Variants in ETV3 observed in about 807,000 individuals in gnomAD.
ETV3 encodes the protein ETS variant transcription factor 3.
ETV3 carries 8 observed loss-of-function variants against 33.0 expected under a neutral mutation model. The observed-to-expected ratio is 0.24, with a 90% confidence interval of 0.14 to 0.44. The LOEUF (loss-of-function observed/expected upper bound fraction) is 0.44. Ranked by LOEUF, ETV3 falls within the 20% of genes least tolerant of loss-of-function variation. The probability of loss-of-function intolerance (pLI) is 1.00; values close to 1 mark genes in which losing one functional copy is unlikely to be tolerated. For synonymous variants in ETV3, 222 were observed against 238.9 expected, an observed-to-expected ratio of 0.93 and a Z score of 0.65; for missense variants, 473 against 652.3, an observed-to-expected ratio of 0.73 and a Z score of 2.99.
At chr1:157,134,603 G>A (rs985525991) in intron 3 of ETV3, among the ~76,000 whole-genome samples, 1 of 152,178 alleles carries the variant, frequency 6.6e-6, no homozygotes, top group African/African-American at 2.4e-5. Context: ...CCCAGGTGGG[G>A]GCAGACAAAT....
rs1674725354 is a variant in ETV3, at chr1:157,122,373, A to C, written c.*2468T>G. 1 of 151,740 alleles carries C rather than the reference A, an allele frequency of 6.6e-6. No homozygotes were observed. Among genetic ancestry groups the C allele is most frequent in the Non-Finnish European group, 1.5e-5 (1 of 67,940 alleles). The allele number at this position is 151,740 out of a possible 1,614,324, so 9.4% of individuals were successfully genotyped here. On this transcript the variant is annotated 3_prime_UTR_variant, in exon 5 of 5. Transcript: ENST00000368192. ...CAACCCCAACCCCAGAGTGCAGTGC[A>C]AATCAACCAACAATTTACTGGTGGA...
At position 157,125,040 on chromosome 1, in the gene ETV3, A is replaced by T; in HGVS notation, c.1340T>A (p.Val447Glu). 6.4e-7 allele frequency: 1 copy of T among 1,550,720 alleles called. No homozygotes were observed. The highest frequency in any genetic ancestry group is 8.7e-7 in the Non-Finnish European group (1 of 1,146,564). ...AGGCCTATCCTCACTGTCTTCAGTCACCTCCAGAGGTTCTCCACTTGGGGT... is the reference window on the plus strand; with the variant it reads ...AGGCCTATCCTCACTGTCTTCAGTCTCCTCCAGAGGTTCTCCACTTGGGGT... The part of the protein sequence containing the change: ...ISTPSGEPLE[V>E]TEDSEDRPGK... The change falls in exon 5 of 5, where the codon GTG becomes GAG. Residue 447 changes from valine to glutamate, a missense_variant. Val to Glu is a moderately radical substitution (Grantham distance 121). Transcript: ENST00000368192. This position sits in a 1 kb window ranked among gnomAD's most constrained non-coding sequence, Gnocchi z 4.0.
chr1:157,133,499 T>C, intron 4 of ETV3: 1 of 985,876 alleles, frequency 1.0e-6, no homozygotes, highest in South Asian at 4.7e-5. Context: ...TGTGGGGAGC[T>C]GTGATGGAAA....
In ETV3 at chr1:157,121,198, A is replaced by G. The variant is rs1049408669; in HGVS notation, c.*3643T>C. 1.3e-5 allele frequency: 2 copies of G among 152,278 alleles called. No homozygotes were observed. Among genetic ancestry groups the G allele is most frequent in the Non-Finnish European group, 1.5e-5 (1 of 68,030 alleles). 9.4% of individuals were successfully genotyped at this position (152,278 alleles called of 1,614,324 possible). ...ACCAACTCTCAGCAAACATTACTTA[A>G]AAGTATTTTTTTATTTAATTTCTGA... is the stretch of plus-strand genomic sequence containing the variant. On this transcript the variant is annotated 3_prime_UTR_variant, in exon 5 of 5. Transcript: ENST00000368192.
intron 4 of ETV3, among the ~76,000 whole-genome samples, chr1:157,129,884 C>T (rs1674929296): frequency 6.6e-6 from 1 of 151,974 alleles, no homozygotes; most frequent in African/African-American, 2.4e-5. Flanking sequence ...CTTGCTGTCG[C>T]CCAGGCTGGA....
chr1:157,127,910 A>C (rs1023541654), intron 4 of ETV3, among the ~76,000 whole-genome samples: 33 of 152,294 alleles, frequency 2.2e-4, no homozygotes, highest in African/African-American at 7.9e-4. Context: ...GACATGAAAA[A>C]GGTATGCCAT....
chr1:157,135,078 C>T (rs184175442), intron 3 of ETV3: 192 of 249,452 alleles, frequency 7.7e-4, no homozygotes, highest in Non-Finnish European at 1.1e-3. Context: ...TTGCTTCATC[C>T]TTTTCTAAGT....
rs377154346 is a variant in ETV3 at position 157,125,281 on chromosome 1, G to A, written c.1099C>T (p.Pro367Ser). Residue 367 changes from proline (P) to serine (S), a missense_variant, in exon 5 of 5, where the codon CCA becomes TCA. Transcript: ENST00000368192. This position sits in a 1 kb window ranked among gnomAD's most constrained non-coding sequence, Gnocchi z 4.0. Reference protein sequence around the residue: ...ERVESSEESAPVTTPTMASIP... With the variant: ...ERVESSEESASVTTPTMASIP... ...GAAGCCATGGTGGGCGTGGTGACTG[G>A]TGCTGACTCCTCGCTGCTCTCAACC... is the stretch of plus-strand genomic sequence containing the variant. 4.5e-6 allele frequency: 7 copies of A among 1,552,130 alleles called. No individual in the cohort carries two copies. In the East Asian group the frequency reaches 9.8e-5, roughly 22 times the overall value.
At chr1:157,130,549 A>G (rs963928711) in intron 4 of ETV3, among the ~76,000 whole-genome samples, 2 of 152,178 alleles carry the variant, frequency 1.3e-5, no homozygotes, top group African/African-American at 2.4e-5. Flanking sequence ...CAAGTAGCAC[A>G]CTGGAATCTT....
chr1:157,136,454 CT>C (rs1443513287), intron 1 of ETV3, 89 bp from the exon 2 acceptor site: 3 of 1,206,822 alleles, frequency 2.5e-6, no homozygotes, highest in Non-Finnish European at 3.5e-6. Flanking sequence ...CCCAAACTTC[CT>C]TTCCCCTGTT....
intron 1 of ETV3, among the ~76,000 whole-genome samples, chr1:157,137,223 G>A (rs1030557781): frequency 6.6e-6 from 1 of 151,770 alleles, no homozygotes; most frequent in African/African-American, 2.4e-5. Context: ...GGGTGAAACT[G>A]CCAGAGGGAC....
At chr1:157,136,234 A>G (rs1331650289) in intron 2 of ETV3, 73 bp downstream of exon 2, 19 of 1,398,948 alleles carry the variant, frequency 1.4e-5, no homozygotes, top group Non-Finnish European at 1.4e-5. Context: ...TTGTGAACAG[A>G]GCTCAAGTGG....
chr1:157,125,293 C>A lies in ETV3; in HGVS notation c.1087G>T (p.Glu363Ter). 2 of 1,552,080 alleles carry A rather than the reference C, an allele frequency of 1.3e-6. No individual in the cohort carries two copies. The highest frequency in any genetic ancestry group is 1.7e-6 in the Non-Finnish European group (2 of 1,147,094). The change falls in exon 5 of 5, where the codon GAG becomes TAG. Residue 363 changes from glutamate to a stop codon, truncating the protein, a stop_gained. Coordinates refer to ENST00000368192, the MANE Select transcript of ETV3 (RefSeq NM_001145312.3). LOFTEE classifies it high-confidence loss of function. This position sits in a 1 kb window ranked among gnomAD's most constrained non-coding sequence, Gnocchi z 4.0. Reference protein sequence around the residue: ...RKNRERVESSEESAPVTTPTM... With the variant: ...RKNRERVESS ...GGCGTGGTGACTGGTGCTGACTCCT[C>A]GCTGCTCTCAACCCTCTCCCGGTTC...
chr1:157,128,345 G>T, intron 4 of ETV3: 1 of 173,032 alleles, frequency 5.8e-6, no homozygotes. Flanking sequence ...TGCCAGTGAT[G>T]AAAGAGAGAA....
chr1:157,126,086 T>C, intron 4 of ETV3, 107 bp from the exon 5 acceptor site: 1 of 1,013,386 alleles, frequency 9.9e-7, no homozygotes, highest in Non-Finnish European at 1.4e-6. Context: ...GAAACAATCA[T>C]TCCAACTGGA....
intron 4 of ETV3, among the ~76,000 whole-genome samples, chr1:157,127,963 G>T (rs1674879375): frequency 1.3e-5 from 2 of 152,222 alleles, no homozygotes; most frequent in Admixed American, 1.3e-4. Flanking sequence ...GGTGTCAGCA[G>T]TTTCTATAAT....
rs902653759 is a variant in ETV3 at position 157,121,365 on chromosome 1, T to C, written c.*3476A>G. 1.3e-5 allele frequency: 2 copies of C among 151,994 alleles called. No homozygotes were observed. Among genetic ancestry groups the C allele is most frequent in the Middle Eastern group, 3.4e-3 (1 of 292 alleles). The allele number at this position is 151,994 out of a possible 1,614,324, so 9.4% of individuals were successfully genotyped here. ...TATATATGCAAAAATTTGAAGACTTTATAGAAAGCGGAACATCTAAAAGGC... is the reference window on the plus strand; with the variant it reads ...TATATATGCAAAAATTTGAAGACTTCATAGAAAGCGGAACATCTAAAAGGC... On this transcript the variant is annotated 3_prime_UTR_variant, in exon 5 of 5. Coordinates refer to ENST00000368192, the MANE Select transcript of ETV3 (RefSeq NM_001145312.3).
chr1:157,135,465 C>T lies in ETV3; in HGVS notation c.284+6G>A, dbSNP rs1483749449. On this transcript the variant is annotated splice_donor_region_variant and intron_variant, in intron 3 of 4. Coordinates refer to ENST00000368192, the MANE Select transcript of ETV3 (RefSeq NM_001145312.3). Reference sequence around the variant, plus strand: ...TTAACACAGATTTGGGAATCCTTTTCCTTACCTGAGGGCCCGGCTCAGCTT... The same window carrying T: ...TTAACACAGATTTGGGAATCCTTTTTCTTACCTGAGGGCCCGGCTCAGCTT... 1 of 1,613,922 alleles carries T rather than the reference C, an allele frequency of 6.2e-7. No homozygotes were observed. Among genetic ancestry groups the T allele is most frequent in the Admixed American group, 1.7e-5 (1 of 60,010 alleles).
At chr1:157,129,932 C>T (rs1674930046) in intron 4 of ETV3, among the ~76,000 whole-genome samples, 1 of 152,118 alleles carries the variant, frequency 6.6e-6, no homozygotes, top group African/African-American at 2.4e-5. Context: ...CAACCTCCGC[C>T]TCCCAGGTTC....
Sources: gnomAD v4.1 joint callset for allele counts (sites outside exome capture counted in the v4.1 genomes callset) on GRCh38, gnomAD v4.1.1 for gene constraint, Gnocchi (gnomAD v3.1) non-coding constraint, MANE v1.5 for transcripts, NCBI Gene and HGNC (gene_info 2026-07-23, HGNC 2026-07-21) for gene names.